FBN1: variants seen among roughly 807,000 people sequenced by gnomAD.
FBN1 encodes fibrillin 1.
FBN1 carries 29 observed loss-of-function variants against 365.1 expected under a neutral mutation model. The ratio of observed to expected loss-of-function variants is 0.08; its 90% CI spans 0.06 to 0.11. The LOEUF is 0.11. FBN1 is among the 10% of genes least tolerant of loss of function. FBN1 has a pLI of 1.00. For synonymous variants in FBN1, 1,210 were observed against 1,270.5 expected (o/e 0.95, Z 1.01); for missense variants, 2,476 against 3,703.2 (o/e 0.67, Z 8.60).
intron 6 of FBN1, among the ~76,000 whole-genome samples, chr15:48,579,770 T>C (rs1411973525): frequency 6.6e-6 from 1 of 152,186 alleles, no homozygotes; most frequent in Non-Finnish European, 1.5e-5. Context: ...GGGCTCTTAA[T>C]AATAAATCCC....
intron 55 of FBN1, 27 bp downstream of exon 55, chr15:48,432,839 T>TA: frequency 3.1e-6 from 5 of 1,613,024 alleles, no homozygotes; most frequent in Non-Finnish European, 4.2e-6. Context: ...CTTCCTGGCT[T>TA]AGATGACCTT....
chr15:48,547,137 GT>G (rs974826853), intron 6 of FBN1, among the ~76,000 whole-genome samples: 2 of 152,070 alleles, frequency 1.3e-5, no homozygotes, highest in Admixed American at 1.3e-4. Flanking sequence ...TGACTTGTGT[GT>G]TTTTGCTTTT....
chr15:48,598,829 C>T (rs1412683696), intron 5 of FBN1, among the ~76,000 whole-genome samples: 1 of 152,154 alleles, frequency 6.6e-6, no homozygotes, highest in Non-Finnish European at 1.5e-5. Context: ...GTGTCACCAC[C>T]CAAATCTCAT....
chr15:48,582,559 T>C (rs1469633820), intron 6 of FBN1, among the ~76,000 whole-genome samples: 2 of 152,190 alleles, frequency 1.3e-5, no homozygotes, highest in Non-Finnish European at 2.9e-5. Flanking sequence ...CCATTACAAA[T>C]GTATCTAGTG....
intron 5 of FBN1, among the ~76,000 whole-genome samples, chr15:48,598,536 C>T (rs976162525): frequency 2.6e-5 from 4 of 152,046 alleles, no homozygotes; most frequent in Non-Finnish European, 5.9e-5. Flanking sequence ...CTTCCTTTCC[C>T]CTCACTCTCC....
Position 48,408,558 on chromosome 15 carries a change from C to T in FBN1, c.*2432G>A, listed in dbSNP as rs551896957. On this transcript the variant is annotated 3_prime_UTR_variant, in exon 66 of 66. Coordinates refer to ENST00000316623, the MANE Select transcript of FBN1 (RefSeq NM_000138.5). ...TGAGGGGGTAGAGACAAGATATTTTCAAGCTTCTGAGAGATTTACAAAGCC... is the reference window on the plus strand; with the variant it reads ...TGAGGGGGTAGAGACAAGATATTTTTAAGCTTCTGAGAGATTTACAAAGCC... 1.1e-4 allele frequency: 17 copies of T among 152,708 alleles called. No individual in the cohort carries two copies. Among genetic ancestry groups the T allele is most frequent in the African/African-American group, 4.1e-4 (17 of 41,548 alleles). 9.5% of individuals were successfully genotyped at this position (152,708 alleles called of 1,614,324 possible). A position where few individuals can be genotyped will look rare whatever the true frequency, so the allele number is the denominator to read the frequency against.
intron 6 of FBN1, among the ~76,000 whole-genome samples, chr15:48,555,630 G>T (rs1246798283): frequency 1.3e-5 from 2 of 152,124 alleles, no homozygotes; most frequent in Admixed American, 6.5e-5. Flanking sequence ...CAAATGGTAG[G>T]TTCCTTAGGA....
intron 6 of FBN1, among the ~76,000 whole-genome samples, chr15:48,587,022 G>T (rs2044441501): frequency 6.6e-6 from 1 of 152,154 alleles, no homozygotes; most frequent in Admixed American, 6.5e-5. Flanking sequence ...CAAACCCGAT[G>T]CCTCCCCAAG....
intron 6 of FBN1, among the ~76,000 whole-genome samples, chr15:48,592,718 T>C (rs1258272090): frequency 6.6e-6 from 1 of 152,140 alleles, no homozygotes; most frequent in African/African-American, 2.4e-5. Flanking sequence ...ACACAATCTT[T>C]GACAGAGAAA....
At chr15:48,582,193 A>G (rs922844535) in intron 6 of FBN1, among the ~76,000 whole-genome samples, 1 of 152,252 alleles carries the variant, frequency 6.6e-6, no homozygotes, top group South Asian at 2.1e-4. Flanking sequence ...GAAATAAACT[A>G]TGCCTGAAAA....
At chr15:48,430,551 G>A (rs1389679057) in intron 56 of FBN1, 120 bp downstream of exon 56, 24 of 1,111,012 alleles carry the variant, frequency 2.2e-5, no homozygotes, top group South Asian at 6.3e-5. Context: ...CCTGACATGC[G>A]GTTAAGAGAA....
chr15:48,617,130 G>C (rs1448214811), intron 2 of FBN1, among the ~76,000 whole-genome samples: 1 of 152,106 alleles, frequency 6.6e-6, no homozygotes, highest in East Asian at 1.9e-4. Flanking sequence ...TCCATCAATA[G>C]ACCAAGGATA....
At chr15:48,475,746 T>C (rs1354227983) in intron 32 of FBN1, among the ~76,000 whole-genome samples, 1 of 152,230 alleles carries the variant, frequency 6.6e-6, no homozygotes, top group Non-Finnish European at 1.5e-5. Flanking sequence ...CCCAATTAAA[T>C]GATTTGAAAG....
intron 31 of FBN1, 84 bp from the exon 32 acceptor site, chr15:48,481,864 A>C: frequency 7.4e-7 from 1 of 1,352,216 alleles, no homozygotes; most frequent in Non-Finnish European, 1.1e-6. Context: ...ACTATGACAA[A>C]TACATTAGAA....
At chr15:48,496,596 T>C (rs115063002) in intron 19 of FBN1, among the ~76,000 whole-genome samples, 1,864 of 152,276 alleles carry the variant, frequency 0.012, 45 homozygotes, top group African/African-American at 0.043. Flanking sequence ...ATTAACCTTA[T>C]TGATTTAAGG....
chr15:48,575,449 T>C (rs1468288742), intron 6 of FBN1, among the ~76,000 whole-genome samples: 3 of 152,182 alleles, frequency 2.0e-5, no homozygotes, highest in South Asian at 2.1e-4. Flanking sequence ...ATTATCTGAA[T>C]TGTGAGCATT....
chr15:48,510,819 C>T (rs1014941849), intron 13 of FBN1, among the ~76,000 whole-genome samples: 15 of 152,096 alleles, frequency 9.9e-5, no homozygotes, highest in East Asian at 1.9e-4. Flanking sequence ...GAGCTTGACA[C>T]GGAAGTGTTA....
chr15:48,485,635 G>T, intron 29 of FBN1, 139 bp from the exon 30 acceptor site: 1 of 902,080 alleles, frequency 1.1e-6, no homozygotes, highest in Non-Finnish European at 1.8e-6. Context: ...TCCTATGAGG[G>T]CTCTACCCTC....
chr15:48,416,434 C>T (rs1345795464), intron 63 of FBN1, among the ~76,000 whole-genome samples: 1 of 152,194 alleles, frequency 6.6e-6, no homozygotes, highest in African/African-American at 2.4e-5. Context: ...CTGCTCCCAT[C>T]ACCGAATCGG....
Sources: allele counts gnomAD v4.1 joint callset (sites outside exome capture counted in the v4.1 genomes callset), GRCh38; gene constraint gnomAD v4.1.1; transcripts MANE v1.5; gene names NCBI Gene and HGNC (gene_info 2026-07-23, HGNC 2026-07-21).